ABCG2: variants seen among roughly 807,000 people sequenced by gnomAD.
The protein encoded by ABCG2 is broad substrate specificity ATP-binding cassette transporter ABCG2.
In ABCG2, 80 loss-of-function variants were observed where a neutral mutation model predicts 73.5. The observed-to-expected ratio is 1.09, with a 90% CI of 0.91 to 1.31. ABCG2 has a LOEUF of 1.31. Ranked by LOEUF, ABCG2 falls within the 50% of genes most tolerant of loss-of-function variation. The pLI, the probability that ABCG2 is intolerant of heterozygous loss-of-function variation, is 0.00. For missense variants in ABCG2, 796 were observed against 786.2 expected, an observed-to-expected ratio of 1.01 and a Z score of -0.15; for synonymous variants, 269 against 282.4, an observed-to-expected ratio of 0.95 and a Z score of 0.48.
chr4:88,111,075 A>G (rs1252470722), intron 9 of ABCG2, among the ~76,000 whole-genome samples: 1 of 152,214 alleles, frequency 6.6e-6, no homozygotes, highest in Non-Finnish European at 1.5e-5. Context: ...AAACATGCAG[A>G]ATCTCAGTGT....
chr4:88,139,791 A>G lies in ABCG2; in HGVS notation c.203+2T>C, dbSNP rs1282888435. 1.2e-6 allele frequency: 2 copies of G among 1,612,950 alleles called. No homozygotes were observed. Among genetic ancestry groups the G allele is most frequent in the South Asian group, 2.2e-5 (2 of 90,926 alleles). On this transcript the variant is annotated splice_donor_variant, in intron 2 of 15. Transcript: ENST00000237612. LOFTEE classifies it high-confidence loss of function. ...TGTCTTTTTACAAGTTCATGTACAT[A>G]CTTGATATTCGATAATATTTCTTTC...
At chr4:88,207,575 G>A (rs950312906) in intron 1 of ABCG2, among the ~76,000 whole-genome samples, 1 of 152,090 alleles carries the variant, frequency 6.6e-6, no homozygotes, top group African/African-American at 2.4e-5. Flanking sequence ...ACAGAGTCTT[G>A]CTGTGTCACC....
intron 1 of ABCG2, among the ~76,000 whole-genome samples, chr4:88,202,276 C>G (rs1578274774): frequency 1.4e-5 from 2 of 145,342 alleles, no homozygotes; most frequent in East Asian, 2.1e-4. Context: ...CTTGGGAGGT[C>G]GAGGCAGGGG....
chr4:88,133,927 G>A (rs367629845), intron 2 of ABCG2, among the ~76,000 whole-genome samples: 1 of 151,978 alleles, frequency 6.6e-6, no homozygotes, highest in African/African-American at 2.4e-5. Flanking sequence ...GAACCCAGGA[G>A]GTGGAGGTTG....
intron 1 of ABCG2, among the ~76,000 whole-genome samples, chr4:88,219,891 G>A (rs1578288585): frequency 6.6e-6 from 1 of 151,936 alleles, no homozygotes; most frequent in African/African-American, 2.4e-5. Flanking sequence ...TAAGTGTACT[G>A]TTTTATGGCA....
At chr4:88,206,624 C>T (rs560169929) in intron 1 of ABCG2, 9 of 152,256 alleles carry the variant, frequency 5.9e-5, no homozygotes, top group African/African-American at 1.7e-4. Flanking sequence ...TTCCATCCTT[C>T]GTTCACACAC....
At chr4:88,136,650 G>A (rs1725263343) in intron 2 of ABCG2, among the ~76,000 whole-genome samples, 1 of 152,194 alleles carries the variant, frequency 6.6e-6, no homozygotes, top group Non-Finnish European at 1.5e-5. Flanking sequence ...AGGCTGCAGT[G>A]AGCTATGATC....
chr4:88,210,936 A>T (rs1729566037), intron 1 of ABCG2, among the ~76,000 whole-genome samples: 3 of 151,960 alleles, frequency 2.0e-5, no homozygotes, highest in Admixed American at 6.6e-5. Context: ...AGAGGCGCAG[A>T]TGCCATGTTC....
At chr4:88,230,310 T>A (rs751664476) in intron 1 of ABCG2, among the ~76,000 whole-genome samples, 78,238 of 99,410 alleles carry the variant, frequency 0.79, 29,395 homozygotes, top group East Asian at 0.96. Flanking sequence ...TATATATATT[T>A]TTTTTTTTGG....
rs771423130 is a variant in ABCG2 at position 88,115,071 on chromosome 4, GC to G, written c.842-14del. On this transcript the variant is annotated splice_polypyrimidine_tract_variant and intron_variant, in intron 7 of 15. Coordinates refer to ENST00000237612, the MANE Select transcript of ABCG2 (RefSeq NM_004827.3). ...TCACAGTGATAACCTATGAAAGAAGGCAGCTCAAAAACACAAACTTGATGGT... is the reference window on the plus strand; with the variant it reads ...TCACAGTGATAACCTATGAAAGAAGGAGCTCAAAAACACAAACTTGATGGT... 1.3e-6 allele frequency: 2 copies of G among 1,583,818 alleles called. No homozygotes were observed. Among genetic ancestry groups the G allele is most frequent in the Admixed American group, 3.4e-5 (2 of 59,262 alleles).
At position 88,140,003 on chromosome 4, in the gene ABCG2, G is replaced by A; in HGVS notation, c.-8C>T. The A allele has an allele frequency of 3.1e-6, 5 of 1,612,778 alleles. No individual in the cohort carries two copies. Among genetic ancestry groups the A allele is most frequent in the African/African-American group, 1.3e-5 (1 of 75,014 alleles). ...GACATTACTGGAAGACATCTGGAGA[G>A]TTTTTATCTTTCTGCAGACAGAAAA... On this transcript the variant is annotated 5_prime_UTR_variant, in exon 2 of 16. Transcript: ENST00000237612.
chr4:88,113,678 A>T (rs1578188329), intron 8 of ABCG2, 125 bp from the exon 9 acceptor site: 6 of 1,284,316 alleles, frequency 4.7e-6, no homozygotes, highest in Non-Finnish European at 6.3e-6. Context: ...GAAAGAAAAA[A>T]TAGGCCAGGC....
intron 9 of ABCG2, among the ~76,000 whole-genome samples, chr4:88,112,463 C>T (rs1459635144): frequency 6.6e-6 from 1 of 152,150 alleles, no homozygotes; most frequent in South Asian, 2.1e-4. Context: ...TTCTCCACCC[C>T]TTCTCTGCTT....
intron 1 of ABCG2, among the ~76,000 whole-genome samples, chr4:88,168,502 CATTTGGTTATAAAGTTT>C (rs954235167): frequency 3.4e-5 from 5 of 148,602 alleles, no homozygotes; most frequent in Non-Finnish European, 7.4e-5. Flanking sequence ...AAAAAAAGTT[CATTTGGTTATAAAGTTT>C]ATTTGGTTAT....
upstream of ABCG2, chr4:88,158,924 A>C (rs1727150741): frequency 2.9e-6 from 1 of 345,740 alleles, no homozygotes; most frequent in African/African-American, 2.3e-5. Context: ...GCCCCTCCCC[A>C]GCGCCCCGGG....
chr4:88,136,137 G>A (rs1306048053), intron 2 of ABCG2, among the ~76,000 whole-genome samples: 2 of 152,114 alleles, frequency 1.3e-5, no homozygotes, highest in Non-Finnish European at 2.9e-5. Flanking sequence ...TGCGGGAATG[G>A]TCACCACTGC....
At chr4:88,227,340 G>C (rs1482401967) in intron 1 of ABCG2, among the ~76,000 whole-genome samples, 1 of 152,178 alleles carries the variant, frequency 6.6e-6, no homozygotes, top group African/African-American at 2.4e-5. Flanking sequence ...AGGCTGCAGT[G>C]AGCCGAGATC....
In ABCG2 at chr4:88,226,192, G is replaced by C. The variant is rs142489852; in HGVS notation, c.-20+4802C>G. On this transcript the variant is annotated intron_variant, in intron 1 of 15. Transcript: ENST00000515655. ...CACTTTCTTCCTACCTGGCATCTAT[G>C]CTACAGCAAGAGACATTTCTAAAAT... Among the ~76,000 whole-genome samples the C allele has an allele frequency of 6.2e-3, 942 of 152,282 alleles. 4 individuals carry two copies. The highest frequency in any genetic ancestry group is 0.013 in the Admixed American group (198 of 15,296).
chr4:88,100,191 T>TAAA (rs35345062), intron 11 of ABCG2, among the ~76,000 whole-genome samples: 1 of 142,940 alleles, frequency 7.0e-6, no homozygotes. Flanking sequence ...ACAAAAAAAT[T>TAAA]AAAAAAAAAA....
Sources: gnomAD v4.1 joint callset for allele counts (sites outside exome capture counted in the v4.1 genomes callset) on GRCh38, gnomAD v4.1.1 for gene constraint, MANE v1.5 for transcripts, NCBI Gene and HGNC (gene_info 2026-07-23, HGNC 2026-07-21) for gene names.